ADIPOR2: variants seen among roughly 807,000 people sequenced by gnomAD.
ADIPOR2 encodes adiponectin receptor 2.
ADIPOR2 carries 18 observed loss-of-function variants against 40.9 expected under a neutral mutation model. That is an observed-to-expected ratio of 0.44 (90% CI 0.30 to 0.65). The LOEUF (loss-of-function observed/expected upper bound fraction) is 0.65. Ranked by LOEUF, ADIPOR2 falls within the 30% of genes least tolerant of loss-of-function variation. ADIPOR2 has a pLI of 0.09. For synonymous variants in ADIPOR2, 165 were observed against 166.4 expected (o/e 0.99, Z 0.06); for missense variants, 283 against 479.2 (o/e 0.59, Z 3.82).
chr12:1,757,855 A>C, intron 2 of ADIPOR2: 1 of 822,218 alleles, frequency 1.2e-6, no homozygotes, highest in South Asian at 1.3e-5. Context: ...GTCAGGGCTT[A>C]CTTAAGTCTG....
intron 2 of ADIPOR2, among the ~76,000 whole-genome samples, chr12:1,765,141 A>G (rs776788291): frequency 1.4e-4 from 22 of 152,180 alleles, no homozygotes; most frequent in Non-Finnish European, 2.9e-4. Context: ...TGATACTCAC[A>G]TTTTAAATAT....
intron 1 of ADIPOR2, among the ~76,000 whole-genome samples, chr12:1,713,235 T>A (rs1397452546): frequency 6.6e-6 from 1 of 152,078 alleles, no homozygotes; most frequent in Non-Finnish European, 1.5e-5. Context: ...CTGTGAACGA[T>A]TCTGCTTCCT....
intron 1 of ADIPOR2, among the ~76,000 whole-genome samples, chr12:1,730,334 C>G (rs2094717233): frequency 6.6e-6 from 1 of 151,058 alleles, no homozygotes; most frequent in Non-Finnish European, 1.5e-5. Context: ...AACAGTTGTT[C>G]AGGCCGGGCG....
intron 1 of ADIPOR2, among the ~76,000 whole-genome samples, chr12:1,698,708 T>A (rs2094644326): frequency 6.6e-6 from 1 of 152,236 alleles, no homozygotes; most frequent in South Asian, 2.1e-4. Context: ...TATGTATATT[T>A]ATTGCAAGCT....
At chr12:1,700,910 GT>G (rs1049622852) in intron 1 of ADIPOR2, among the ~76,000 whole-genome samples, 2 of 151,190 alleles carry the variant, frequency 1.3e-5, no homozygotes, top group African/African-American at 4.9e-5. Context: ...GCCAATATAT[GT>G]TTTTTTTCCT....
At position 1,780,603 on chromosome 12, in the gene ADIPOR2, T is replaced by G; in HGVS notation, c.616T>G (p.Cys206Gly). ...TTCATGGCTCTTCCACACAGTCTAC[T>G]GCCACTCAGAGGGGGTCTCTCGGCT... ...SFSWLFHTVY[C>G]HSEGVSRLFS... The change falls in exon 5 of 8, where the codon TGC (cysteine) becomes GGC (glycine). Residue 206 changes from cysteine to glycine, a missense_variant. Coordinates refer to ENST00000357103, the MANE Select transcript of ADIPOR2 (RefSeq NM_024551.3). 6.2e-7 allele frequency: 1 copy of G among 1,608,046 alleles called. No individual in the cohort carries two copies. The highest frequency in any genetic ancestry group is 8.5e-7 in the Non-Finnish European group (1 of 1,178,268).
intron 2 of ADIPOR2, among the ~76,000 whole-genome samples, chr12:1,759,547 AGTCTT>A (rs767553497): frequency 9.9e-5 from 15 of 152,186 alleles, no homozygotes; most frequent in Non-Finnish European, 1.6e-4. Context: ...TTTTTGTACA[AGTCTT>A]TATTTACCGC....
Position 1,777,879 on chromosome 12 carries a change from T to G in ADIPOR2, c.317T>G (p.Ile106Ser). Reference protein sequence around the residue: ...CKVWEGRWRVIPHDVLPDWLK... With the variant: ...CKVWEGRWRVSPHDVLPDWLK... ...GTATGGGAAGGTCGGTGGCGAGTGA[T>G]CCCTCATGATGTACTACCAGACTGG... is the stretch of plus-strand genomic sequence containing the variant. Residue 106 changes from isoleucine to serine, a missense_variant, in exon 4 of 8, where the codon ATC (isoleucine) becomes AGC (serine). Physicochemically the swap from Ile to Ser is moderately radical, Grantham distance 142. Transcript: ENST00000357103. The G allele has an allele frequency of 6.2e-7, 1 of 1,612,848 alleles. No individual in the cohort carries two copies. The highest frequency in any genetic ancestry group is 8.5e-7 in the Non-Finnish European group (1 of 1,179,566).
chr12:1,767,239 C>G (rs1426107547), intron 2 of ADIPOR2, among the ~76,000 whole-genome samples: 1 of 142,036 alleles, frequency 7.0e-6, no homozygotes, highest in East Asian at 2.0e-4. Context: ...CCATCACACT[C>G]CAGCCTGGAG....
intron 1 of ADIPOR2, among the ~76,000 whole-genome samples, chr12:1,712,315 C>T (rs978628627): frequency 2.6e-5 from 4 of 152,106 alleles, no homozygotes; most frequent in East Asian, 1.9e-4. Flanking sequence ...CAAGGAGTAG[C>T]ACCTGGTATC....
At chr12:1,775,425 A>C (rs1410780389) in intron 3 of ADIPOR2, among the ~76,000 whole-genome samples, 2 of 152,234 alleles carry the variant, frequency 1.3e-5, no homozygotes, top group Non-Finnish European at 2.9e-5. Context: ...TCCTTGTCTC[A>C]GTATTTAGAC....
At chr12:1,773,003 G>A in intron 3 of ADIPOR2, 42 bp downstream of exon 3, 4 of 1,598,466 alleles carry the variant, frequency 2.5e-6, no homozygotes, top group Non-Finnish European at 3.4e-6. Context: ...TATATATTTA[G>A]CCCTTCCAAA....
chr12:1,758,041 A>G, intron 2 of ADIPOR2: 4 of 692,168 alleles, frequency 5.8e-6, no homozygotes, highest in South Asian at 4.8e-5. Context: ...AGCAAAATAT[A>G]TTTTTAGAGT....
At chr12:1,748,532 G>A (rs2094761891) in intron 1 of ADIPOR2, among the ~76,000 whole-genome samples, 1 of 152,132 alleles carries the variant, frequency 6.6e-6, no homozygotes, top group South Asian at 2.1e-4. Flanking sequence ...ACAGGCGTGA[G>A]CCACCGTGCC....
chr12:1,699,049 T>G (rs2094645001), intron 1 of ADIPOR2, among the ~76,000 whole-genome samples: 1 of 152,158 alleles, frequency 6.6e-6, no homozygotes, highest in African/African-American at 2.4e-5. Flanking sequence ...CTATTTACAT[T>G]CTCTGCTTGG....
rs67598229 is a variant in ADIPOR2, at chr12:1,752,230, C to CT, written c.-86-2007dup. On this transcript the variant is annotated intron_variant, in intron 1 of 7. Transcript: ENST00000357103. ...AGGCGTGAGCCACTGCTCCTGGCCT[C>CT]TTTTTTTTTTTTTTTTTTTTTAAGA... 4.8e-4 allele frequency among the ~76,000 whole-genome samples: 36 copies of CT among 74,862 alleles called. 2 individuals carry two copies. Among genetic ancestry groups the CT allele is most frequent in the African/African-American group, 1.8e-3 (33 of 17,948 alleles). The allele number at this position is 74,862 out of a possible 152,430, so 49.1% of individuals were successfully genotyped here.
intron 6 of ADIPOR2, 97 bp downstream of exon 6, chr12:1,781,173 T>A (rs2154444440): frequency 7.7e-7 from 1 of 1,290,736 alleles, no homozygotes. Flanking sequence ...CATTATGCTG[T>A]GTATTTGTGA....
At chr12:1,747,107 C>T (rs545835232) in intron 1 of ADIPOR2, among the ~76,000 whole-genome samples, 60 of 144,088 alleles carry the variant, frequency 4.2e-4, no homozygotes, top group Non-Finnish European at 7.5e-4. Context: ...AAGACTTTAA[C>T]ACCGCTGTAA....
At chr12:1,724,408 GT>G (rs2094703791) in intron 1 of ADIPOR2, among the ~76,000 whole-genome samples, 1 of 152,140 alleles carries the variant, frequency 6.6e-6, no homozygotes, top group Admixed American at 6.5e-5. Context: ...GACAAATACT[GT>G]ATGATTCCAC....
Sources: gnomAD v4.1 joint callset for allele counts (sites outside exome capture counted in the v4.1 genomes callset) on GRCh38, gnomAD v4.1.1 for gene constraint, MANE v1.5 for transcripts, NCBI Gene and HGNC (gene_info 2026-07-23, HGNC 2026-07-21) for gene names.